Variants in USP47 observed in about 807,000 individuals in gnomAD.
The protein encoded by USP47 is ubiquitin carboxyl-terminal hydrolase 47.
Under a neutral mutation model 165.1 loss-of-function variants are expected in USP47, and 35 were observed. That is an observed-to-expected ratio of 0.21 (90% CI 0.16 to 0.28). The LOEUF is 0.28. Ranked by LOEUF, USP47 falls within the 10% of genes least tolerant of loss-of-function variation. The pLI is 1.00. For synonymous variants in USP47, 531 were observed against 544.5 expected, an observed-to-expected ratio of 0.98 and a Z score of 0.35; for missense variants, 1,277 against 1,607.4, an observed-to-expected ratio of 0.79 and a Z score of 3.52.
At chr11:11,846,716 A>G (rs1848448052) in intron 1 of USP47, among the ~76,000 whole-genome samples, 1 of 152,174 alleles carries the variant, frequency 6.6e-6, no homozygotes, top group African/African-American at 2.4e-5. Context: ...GATAGCAAAA[A>G]CAACTTATTT....
rs1847282485 is a variant in USP47 at position 11,957,994 on chromosome 11, T to C, written c.*1819T>C. The C allele has an allele frequency of 6.6e-6, 1 of 152,252 alleles. No individual in the cohort carries two copies. Among genetic ancestry groups the C allele is most frequent in the South Asian group, 2.1e-4 (1 of 4,838 alleles). The allele number at this position is 152,252 out of a possible 1,614,324, so 9.4% of individuals were successfully genotyped here. On this transcript the variant is annotated 3_prime_UTR_variant, in exon 28 of 28. Coordinates refer to ENST00000527733, the MANE Select transcript of USP47 (RefSeq NM_001282659.2). ...CTCAGAAGAAAATTGGAAACACTTG[T>C]GATGAATTGTCTTTCAGATCACTTA... is the stretch of plus-strand genomic sequence containing the variant.
At chr11:11,875,883 G>T (rs1033276639) in intron 1 of USP47, among the ~76,000 whole-genome samples, 5 of 152,248 alleles carry the variant, frequency 3.3e-5, no homozygotes, top group African/African-American at 1.2e-4. Flanking sequence ...GATTACAGAT[G>T]TGAGCCACCT....
At chr11:11,859,877 G>A (rs1033725155) in intron 1 of USP47, among the ~76,000 whole-genome samples, 4 of 152,020 alleles carry the variant, frequency 2.6e-5, no homozygotes, top group Non-Finnish European at 5.9e-5. Context: ...GCCGAGGCAG[G>A]CGAATCATTT....
chr11:11,952,495 G>A lies in USP47; in HGVS notation c.3584-246G>A, dbSNP rs1590466596. 2.2e-5 allele frequency: 6 copies of A among 268,182 alleles called. No homozygotes were observed. In the East Asian group the frequency reaches 4.9e-4, roughly 22 times the overall value. 16.6% of individuals were successfully genotyped at this position (268,182 alleles called of 1,614,324 possible). A position where few individuals can be genotyped will look rare whatever the true frequency, so the allele number is the denominator to read the frequency against. On this transcript the variant is annotated intron_variant, in intron 24 of 27. Coordinates refer to ENST00000527733, the MANE Select transcript of USP47 (RefSeq NM_001282659.2). ...ATTGGTAATGCAGTGTTCAACAGGAGTCAGGAGGGAGTGGAATTAGGAGTA... is the reference window on the plus strand; with the variant it reads ...ATTGGTAATGCAGTGTTCAACAGGAATCAGGAGGGAGTGGAATTAGGAGTA...
At position 11,952,860 on chromosome 11, in the gene USP47, T is replaced by C. The variant is rs555019140; in HGVS notation, c.3703T>C (p.Leu1235=). 14 of 1,602,840 alleles carry C rather than the reference T, an allele frequency of 8.7e-6. No homozygotes were observed. In the Admixed American group the frequency reaches 2.2e-4, roughly 25 times the overall value. Residue 1235 remains leucine, a synonymous_variant, in exon 25 of 28, where the codon TTG becomes CTG. Coordinates refer to ENST00000527733, the MANE Select transcript of USP47 (RefSeq NM_001282659.2). ...ATTGGAAAGCAGTAGTGTGGACGAA[T>C]TGCGAGAGAAGGTAAGTTCATTTTA... ...VVLESSSVDE[L]REKLSEISGI...
intron 3 of USP47, among the ~76,000 whole-genome samples, chr11:11,886,850 C>A (rs1481543838): frequency 6.6e-6 from 1 of 151,974 alleles, no homozygotes; most frequent in Admixed American, 6.6e-5. Context: ...AGAGAAAGGC[C>A]AGGTCACCTA....
At chr11:11,943,259 A>G in intron 20 of USP47, 147 bp downstream of exon 20, 1 of 878,800 alleles carries the variant, frequency 1.1e-6, no homozygotes, top group Non-Finnish European at 1.7e-6. Context: ...GTTGTAATGA[A>G]CACTGTTCTT....
chr11:11,940,364 A>G (rs1855380706), intron 18 of USP47, 65 bp from the exon 19 acceptor site: 1 of 1,503,428 alleles, frequency 6.7e-7, no homozygotes, highest in Non-Finnish European at 9.0e-7. Context: ...TTGCTTTCCC[A>G]TATTTTTAAG....
In USP47 at chr11:11,929,461, G is replaced by A; in HGVS notation, c.1414G>A (p.Val472Ile). ...KNSLIYELFS[V>I]MVHSGSAAGG... is the part of the protein sequence containing the mutation. ...TTCCTTGATCTATGAACTTTTCTCT[G>A]TTATGGTTCATTCTGGGAGCGCTGC... is the stretch of plus-strand genomic sequence containing the variant. Residue 472 changes from valine (V) to isoleucine (I), a missense_variant, in exon 12 of 28, where the codon GTT (valine) becomes ATT (isoleucine). This residue lies in a region of USP47 where 909 missense variants were observed against 1,068.1 expected (regional missense o/e 0.85). Coordinates refer to ENST00000527733, the MANE Select transcript of USP47 (RefSeq NM_001282659.2). 6.2e-7 allele frequency: 1 copy of A among 1,612,888 alleles called. No homozygotes were observed. The highest frequency in any genetic ancestry group is 8.5e-7 in the Non-Finnish European group (1 of 1,179,232).
chr11:11,848,273 T>G (rs1848534860), intron 1 of USP47, among the ~76,000 whole-genome samples: 2 of 152,228 alleles, frequency 1.3e-5, no homozygotes, highest in Non-Finnish European at 2.9e-5. Flanking sequence ...TGCACAAACC[T>G]AGATGGTTTA....
chr11:11,890,695 A>G (rs1851456310), intron 3 of USP47, among the ~76,000 whole-genome samples: 1 of 152,208 alleles, frequency 6.6e-6, no homozygotes, highest in Non-Finnish European at 1.5e-5. Context: ...ATTCTGTTAT[A>G]AAGATACATG....
intron 11 of USP47, among the ~76,000 whole-genome samples, chr11:11,924,067 T>C (rs1448347057): frequency 6.6e-6 from 1 of 152,270 alleles, no homozygotes; most frequent in African/African-American, 2.4e-5. Context: ...AGGGAGAACT[T>C]CCTTACCTTG....
At position 11,922,051 on chromosome 11, in the gene USP47, A is replaced by T. The variant is rs180854786; in HGVS notation, c.1219-673A>T. The stretch of plus-strand genomic sequence containing the variant: ...AAGCCTGCATCTTAGAAAATTCTCA[A>T]ATTATTTAAATAAAAACATTTTTAG... On this transcript the variant is annotated intron_variant, in intron 10 of 27. Transcript: ENST00000527733. Among the ~76,000 whole-genome samples the T allele has an allele frequency of 2.1e-4, 32 of 152,046 alleles. No individual in the cohort carries two copies. In the East Asian group the frequency reaches 5.8e-3, roughly 27 times the overall value.
intron 1 of USP47, among the ~76,000 whole-genome samples, chr11:11,854,909 C>T (rs1364739329): frequency 6.9e-6 from 1 of 145,916 alleles, no homozygotes; most frequent in African/African-American, 2.4e-5. Context: ...CTGGCTAACA[C>T]GGTGAAACCC....
intron 1 of USP47, among the ~76,000 whole-genome samples, chr11:11,866,120 C>G (rs1022387266): frequency 1.6e-4 from 24 of 152,074 alleles, no homozygotes; most frequent in Non-Finnish European, 3.1e-4. Flanking sequence ...CCTTTGTTTT[C>G]TTCTAAGAGT....
At chr11:11,868,284 T>C (rs1849811899) in intron 1 of USP47, among the ~76,000 whole-genome samples, 1 of 152,166 alleles carries the variant, frequency 6.6e-6, no homozygotes, top group Admixed American at 6.5e-5. Flanking sequence ...CCACACTCAC[T>C]TCCCTTTCAC....
At chr11:11,915,396 T>C (rs961367081) in intron 8 of USP47, among the ~76,000 whole-genome samples, 1 of 152,144 alleles carries the variant, frequency 6.6e-6, no homozygotes, top group Non-Finnish European at 1.5e-5. Context: ...CAAGTTATCC[T>C]TGCATAGGAA....
At chr11:11,873,666 A>T (rs143660512) in intron 1 of USP47, 1 of 401,068 alleles carries the variant, frequency 2.5e-6, no homozygotes, top group Non-Finnish European at 4.3e-6. Flanking sequence ...AAAATTCTAG[A>T]TGATGTACTA....
intron 20 of USP47, chr11:11,943,344 G>T: frequency 3.0e-6 from 1 of 333,222 alleles, no homozygotes. Context: ...AGTATTCAAT[G>T]TTAGGAAGGA....
Sources: allele counts gnomAD v4.1 joint callset (sites outside exome capture counted in the v4.1 genomes callset), GRCh38; gene constraint gnomAD v4.1.1; regional missense constraint gnomAD v4.1.1; transcripts MANE v1.5; gene names NCBI Gene and HGNC (gene_info 2026-07-23, HGNC 2026-07-21).